MYO7B: variants seen among roughly 807,000 people sequenced by gnomAD.
The protein encoded by MYO7B is myosin VIIB.
Under a neutral mutation model 259.7 loss-of-function variants are expected in MYO7B, and 212 were observed. The observed-to-expected ratio is 0.82, with a 90% CI of 0.73 to 0.91. MYO7B has a LOEUF of 0.91. Among genes scored for constraint, MYO7B ranks in the 40% least tolerant of loss-of-function variants. MYO7B has a pLI of 0.00. For missense variants in MYO7B, 2,732 were observed against 2,813.5 expected (o/e 0.97, Z 0.66); for synonymous variants, 1,197 against 1,166.4 (o/e 1.03, Z -0.54).
chr2:127,577,338 G>A lies in MYO7B; in HGVS notation c.849+630G>A, dbSNP rs751443062. The stretch of plus-strand genomic sequence containing the variant: ...GCCTAGACTTCATGGGTCCCCCATC[G>A]CCAGTCTTGACCTCTAATCTGTCAT... On this transcript the variant is annotated intron_variant, in intron 8 of 47. Coordinates refer to ENST00000409816, the MANE Select transcript of MYO7B (RefSeq NM_001393586.1). The surrounding 1 kb of genome is among the most constrained non-coding windows in gnomAD (Gnocchi z 5.2). Among the ~76,000 whole-genome samples the A allele has an allele frequency of 4.6e-5, 7 of 152,198 alleles. No homozygotes were observed. The highest frequency in any genetic ancestry group is 1.9e-4 in the East Asian group (1 of 5,168).
Position 127,628,310 on chromosome 2 carries a change from T to G in MYO7B, c.4461-62T>G. ...CCCCCAACCCCACCTCCCGAGGCTG[T>G]TTAGGGGCTGGATCAGGGGAAGGTG... is the stretch of plus-strand genomic sequence containing the variant. On this transcript the variant is annotated intron_variant, in intron 33 of 47. Coordinates refer to ENST00000409816, the MANE Select transcript of MYO7B (RefSeq NM_001393586.1). The surrounding 1 kb of genome is among the most constrained non-coding windows in gnomAD (Gnocchi z 4.8). 3 of 1,541,556 alleles carry G rather than the reference T, an allele frequency of 1.9e-6. No individual in the cohort carries two copies. The highest frequency in any genetic ancestry group is 2.6e-6 in the Non-Finnish European group (3 of 1,144,124).
At chr2:127,595,357 C>G (rs1287804219) in intron 18 of MYO7B, among the ~76,000 whole-genome samples, 3 of 152,040 alleles carry the variant, frequency 2.0e-5, no homozygotes, top group African/African-American at 7.2e-5. Context: ...ATTCTTCTCT[C>G]TTTTCTTCTT....
chr2:127,544,525 C>T (rs188816509), intron 1 of MYO7B, among the ~76,000 whole-genome samples: 1 of 151,856 alleles, frequency 6.6e-6, no homozygotes, highest in Non-Finnish European at 1.5e-5. Context: ...TCTCCTGCCT[C>T]AGCCTTCCAA....
chr2:127,635,662 G>T (rs1484206535), intron 43 of MYO7B, 60 bp from the exon 44 acceptor site: 22 of 1,510,422 alleles, frequency 1.5e-5, no homozygotes, highest in Middle Eastern at 1.8e-4. Flanking sequence ...GCGGGAAAGA[G>T]GTTGGGGGCG....
Position 127,609,849 on chromosome 2 carries a change from G to C in MYO7B, c.3025G>C (p.Ala1009Pro), listed in dbSNP as rs368041225. The C allele has an allele frequency of 7.4e-6, 12 of 1,613,420 alleles. No individual in the cohort carries two copies. The highest frequency in any genetic ancestry group is 9.3e-6 in the Non-Finnish European group (11 of 1,179,670). The change falls in exon 24 of 48, where the codon GCC becomes CCC. Residue 1009 changes from alanine (A) to proline (P), a missense_variant and splice_region_variant. Around this residue, in one of 3 missense-constraint regions of MYO7B, gnomAD observed 1,906 missense variants for 2,026.4 expected, o/e 0.94. Coordinates refer to ENST00000409816, the MANE Select transcript of MYO7B (RefSeq NM_001393586.1). The surrounding 1 kb of genome is among the most constrained non-coding windows in gnomAD (Gnocchi z 6.9). ...LYHEDDTDCL[A>P]ALVIWNVILR... Reference sequence around the variant, plus strand: ...TGGGCCTTCTGTCTTGTTTCCCCAGGCCGCCCTGGTCATATGGAACGTCAT... The same window carrying C: ...TGGGCCTTCTGTCTTGTTTCCCCAGCCCGCCCTGGTCATATGGAACGTCAT...
chr2:127,602,077 C>A lies in MYO7B; in HGVS notation c.2340-3767C>A, dbSNP rs186145519. ...TCTCTCCTTCGCATTTTTATGTTTT[C>A]TTTTTCTTGCCTTTCTATGACTTAT... On this transcript the variant is annotated intron_variant, in intron 19 of 47. Transcript: ENST00000409816. 3.2e-4 allele frequency among the ~76,000 whole-genome samples: 49 copies of A among 151,610 alleles called. No homozygotes were observed. In the East Asian group the frequency reaches 8.9e-3, roughly 28 times the overall value.
chr2:127,631,277 A>G lies in MYO7B; in HGVS notation c.5009A>G (p.Tyr1670Cys). 6.2e-7 allele frequency: 1 copy of G among 1,612,054 alleles called. No individual in the cohort carries two copies. The highest frequency in any genetic ancestry group is 8.5e-7 in the Non-Finnish European group (1 of 1,179,380). ...LARARGHLWA[Y>C]SCEPLRQPLL... ...CGTGCCCGTGGCCACCTGTGGGCCT[A>G]TTCCTGCGAGCCGCTGCGACAGCCG... Residue 1670 changes from tyrosine (Y) to cysteine (C), a missense_variant, in exon 37 of 48, where the codon TAT becomes TGT. Physicochemically the swap from Tyr to Cys is radical, Grantham distance 194 (BLOSUM62 -2). Around this residue, in one of 3 missense-constraint regions of MYO7B, gnomAD observed 821 missense variants for 769.3 expected, o/e 1.07. Transcript: ENST00000409816.
At chr2:127,626,785 GAAA>G (rs1048706954) in intron 31 of MYO7B, 187 bp from the exon 32 acceptor site, 2 of 559,994 alleles carry the variant, frequency 3.6e-6, no homozygotes, top group South Asian at 4.4e-5. Flanking sequence ...TCTCAAAAAA[GAAA>G]AAAAAAGGAT....
intron 1 of MYO7B, among the ~76,000 whole-genome samples, chr2:127,558,188 G>A (rs968973726): frequency 6.6e-6 from 1 of 152,150 alleles, no homozygotes; most frequent in African/African-American, 2.4e-5. Flanking sequence ...GTGGGCTAAG[G>A]TTATGAATAG....
At chr2:127,621,265 G>GTTT (rs1212192791) in intron 27 of MYO7B, among the ~76,000 whole-genome samples, 6 of 120,692 alleles carry the variant, frequency 5.0e-5, no homozygotes, top group Admixed American at 1.7e-4. Context: ...TTTTTTTTTT[G>GTTT]TTTTTTTTTT....
At chr2:127,619,382 C>T (rs1283130751) in intron 26 of MYO7B, among the ~76,000 whole-genome samples, 25 of 18,092 alleles carry the variant, frequency 1.4e-3, no homozygotes, top group Admixed American at 7.9e-3. Context: ...TAGTGGGTGC[C>T]GGCTGGGTGG....
chr2:127,543,084 G>A (rs1693070389), intron 1 of MYO7B, among the ~76,000 whole-genome samples: 1 of 152,206 alleles, frequency 6.6e-6, no homozygotes, highest in South Asian at 2.1e-4. Context: ...ACTGCAAAGA[G>A]GCGTTCCTCT....
rs557412640 is a variant in MYO7B at position 127,560,364 on chromosome 2, C to A, written c.18+624C>A. On this transcript the variant is annotated intron_variant, in intron 2 of 47. Coordinates refer to ENST00000409816, the MANE Select transcript of MYO7B (RefSeq NM_001393586.1). Reference sequence around the variant, plus strand: ...GCCTCATTGCGGCAGTTGCCGGGAGCTCCCCCAGAGAAAACAGGGAACTGG... The same window carrying A: ...GCCTCATTGCGGCAGTTGCCGGGAGATCCCCCAGAGAAAACAGGGAACTGG... Among the ~76,000 whole-genome samples the A allele has an allele frequency of 8.3e-4, 127 of 152,230 alleles. 3 individuals carry two copies. The South Asian group carries it at 0.024, about 29-fold the overall frequency.
At chr2:127,579,473 C>T (rs903993972) in intron 9 of MYO7B, among the ~76,000 whole-genome samples, 1 of 152,202 alleles carries the variant, frequency 6.6e-6, no homozygotes, top group Non-Finnish European at 1.5e-5. Context: ...AAGGTGGGTG[C>T]TAACCAGAGG....
chr2:127,622,121 A>T lies in MYO7B; in HGVS notation c.3645+20A>T. ...CTGCAGGTAGGGGCTGGCAGGGGTG[A>T]GAGCGGGCAGGGTGGGGTGGTGCAG... On this transcript the variant is annotated intron_variant, in intron 28 of 47. Coordinates refer to ENST00000409816, the MANE Select transcript of MYO7B (RefSeq NM_001393586.1). 4.5e-6 allele frequency: 7 copies of T among 1,544,534 alleles called. No homozygotes were observed. The highest frequency in any genetic ancestry group is 6.1e-6 in the Non-Finnish European group (7 of 1,142,610).
rs571500929 is a variant in MYO7B at position 127,566,623 on chromosome 2, A to G, written c.286-20A>G. ...CCTCTGCCAGGGGCAGAGGGCACTG[A>G]CCACCTGCTTCCTTCCCAGACATAC... On this transcript the variant is annotated intron_variant, in intron 4 of 47. Transcript: ENST00000409816. 5 of 1,551,116 alleles carry G rather than the reference A, an allele frequency of 3.2e-6. No individual in the cohort carries two copies. The highest frequency in any genetic ancestry group is 2.6e-6 in the Non-Finnish European group (3 of 1,149,788).
Position 127,612,408 on chromosome 2 carries a change from G to A in MYO7B, c.3271-68G>A. The A allele has an allele frequency of 1.9e-6, 3 of 1,546,586 alleles. No individual in the cohort carries two copies. The South Asian group carries it at 3.6e-5, about 18-fold the overall frequency. ...TCCAGTCTATTGCTTCCCTCCCTGT[G>A]CACCAGTTTCCTACTTGGCAGATGG... On this transcript the variant is annotated intron_variant, in intron 25 of 47. Coordinates refer to ENST00000409816, the MANE Select transcript of MYO7B (RefSeq NM_001393586.1).
rs181907122 is a variant in MYO7B, at chr2:127,572,235, A to G, written c.593-1685A>G. Among the ~76,000 whole-genome samples, 144 of 152,314 alleles carry G rather than the reference A, an allele frequency of 9.5e-4. 1 individual carries two copies. The highest frequency in any genetic ancestry group is 1.8e-3 in the Non-Finnish European group (125 of 68,036). ...GGAGTTCAAGACCAGCCTGGTCAAC[A>G]TGGGGAAACCCCATCTCTACTAAAA... On this transcript the variant is annotated intron_variant, in intron 6 of 47. Transcript: ENST00000409816.
Position 127,607,381 on chromosome 2 carries a change from G to A in MYO7B, c.2600G>A (p.Arg867Lys), listed in dbSNP as rs1318431934. ...RAVVVIQAHA[R>K]GMAARRNFQQ... The stretch of plus-strand genomic sequence containing the variant: ...GTGGTGGTCATTCAGGCCCATGCCA[G>A]GGGCATGGCTGCCCGGCGCAACTTC... The change falls in exon 21 of 48, where the codon AGG becomes AAG. Residue 867 changes from arginine (R) to lysine (K), a missense_variant. Transcript: ENST00000409816. The surrounding 1 kb of genome is among the most constrained non-coding windows in gnomAD (Gnocchi z 4.4). The A allele has an allele frequency of 1.9e-6, 3 of 1,551,274 alleles. No individual in the cohort carries two copies.
Sources: allele counts gnomAD v4.1 joint callset (sites outside exome capture counted in the v4.1 genomes callset), GRCh38; gene constraint gnomAD v4.1.1; regional missense constraint gnomAD v4.1.1; non-coding constraint Gnocchi (gnomAD v3.1); transcripts MANE v1.5; gene names NCBI Gene and HGNC (gene_info 2026-07-23, HGNC 2026-07-21).